The following CEP104 variants were observed in gnomAD, a reference collection of about 807,000 sequenced individuals.
CEP104 encodes the protein centrosomal protein of 104 kDa.
In CEP104, 84 loss-of-function variants were observed where a neutral mutation model predicts 113.3. The ratio of observed to expected loss-of-function variants is 0.74; its 90% CI spans 0.62 to 0.89. CEP104 has a LOEUF of 0.89. Ranked by LOEUF, CEP104 falls within the 40% of genes least tolerant of loss-of-function variation. The pLI is 0.00. For synonymous variants in CEP104, 378 were observed against 421.7 expected, an observed-to-expected ratio of 0.90 and a Z score of 1.27; for missense variants, 1,053 against 1,156.6, an observed-to-expected ratio of 0.91 and a Z score of 1.30.
chr1:3,838,958 A>C lies in CEP104; in HGVS notation c.891+6T>G, dbSNP rs753608685. The C allele has an allele frequency of 6.2e-7, 1 of 1,613,938 alleles. No homozygotes were observed. Among genetic ancestry groups the C allele is most frequent in the South Asian group, 1.1e-5 (1 of 91,078 alleles). On this transcript the variant is annotated splice_donor_region_variant and intron_variant, in intron 8 of 21. Coordinates refer to ENST00000378230, the MANE Select transcript of CEP104 (RefSeq NM_014704.4). Reference sequence around the variant, plus strand: ...TCCTCCACTCCGTCTGGGCTCCTGCACCCACCAGCTCGGCATCCAGGAGGC... The same window carrying C: ...TCCTCCACTCCGTCTGGGCTCCTGCCCCCACCAGCTCGGCATCCAGGAGGC...
At chr1:3,836,360 G>T in intron 10 of CEP104, 135 bp downstream of exon 10, 1 of 895,544 alleles carries the variant, frequency 1.1e-6, no homozygotes, top group Non-Finnish European at 1.6e-6. Flanking sequence ...AAGAACAAAG[G>T]GAAGTCAACA....
intron 10 of CEP104, among the ~76,000 whole-genome samples, chr1:3,835,998 T>A (rs1222277609): frequency 1.0e-5 from 1 of 99,676 alleles, no homozygotes; most frequent in Non-Finnish European, 2.1e-5. Context: ...AGTGACACTC[T>A]GTTTCATAAA....
intron 1 of CEP104, among the ~76,000 whole-genome samples, chr1:3,854,854 G>A (rs1644683277): frequency 6.8e-6 from 1 of 146,016 alleles, no homozygotes; most frequent in Admixed American, 7.2e-5. Flanking sequence ...CCAGGCTGTT[G>A]GGTTCCAGTC....
Position 3,836,491 on chromosome 1 carries a change from TTAC to T in CEP104, c.1317+1_1317+3del. On this transcript the variant is annotated splice_donor_variant and splice_donor_region_variant and intron_variant, in intron 10 of 21. Coordinates refer to ENST00000378230, the MANE Select transcript of CEP104 (RefSeq NM_014704.4). LOFTEE classifies it high-confidence loss of function. ...CCGTTTTTTTTTTTTTTTTTTTTTTTTACCAAGGTTTCTCCCAACACATCGATG... is the reference window on the plus strand; with the variant it reads ...CCGTTTTTTTTTTTTTTTTTTTTTTTCAAGGTTTCTCCCAACACATCGATG... 6.4e-7 allele frequency: 1 copy of T among 1,557,710 alleles called. No individual in the cohort carries two copies. Among genetic ancestry groups the T allele is most frequent in the South Asian group, 1.2e-5 (1 of 83,830 alleles).
intron 10 of CEP104, among the ~76,000 whole-genome samples, chr1:3,836,086 G>T (rs966405230): frequency 1.3e-4 from 19 of 151,804 alleles, no homozygotes; most frequent in African/African-American, 4.6e-4. Context: ...TGGATCACAA[G>T]ATCAGGAGAT....
chr1:3,834,302 C>T (rs944024660), intron 11 of CEP104, among the ~76,000 whole-genome samples: 1 of 151,444 alleles, frequency 6.6e-6, no homozygotes, highest in African/African-American at 2.4e-5. Context: ...ATGGGTAAGC[C>T]CAAATCTTCC....
intron 10 of CEP104, 129 bp downstream of exon 10, chr1:3,836,366 C>T: frequency 1.0e-6 from 1 of 954,478 alleles, no homozygotes; most frequent in Non-Finnish European, 1.5e-6. Flanking sequence ...AAAGGGAAGT[C>T]AACAATATTA....
chr1:3,835,778 A>G (rs1644297355), intron 10 of CEP104, among the ~76,000 whole-genome samples: 1 of 152,254 alleles, frequency 6.6e-6, no homozygotes, highest in Non-Finnish European at 1.5e-5. Flanking sequence ...TACAAGCTCC[A>G]TGAATGCCAG....
chr1:3,821,579 G>A (rs1423943940), intron 20 of CEP104, among the ~76,000 whole-genome samples: 2 of 152,172 alleles, frequency 1.3e-5, no homozygotes, highest in Admixed American at 1.3e-4. Flanking sequence ...TGAGTCGGTG[G>A]GTTAGGCCTT....
Position 3,851,534 on chromosome 1 carries a change from G to A in CEP104, c.113+761C>T, listed in dbSNP as rs113895784. On this transcript the variant is annotated intron_variant, in intron 2 of 21. Coordinates refer to ENST00000378230, the MANE Select transcript of CEP104 (RefSeq NM_014704.4). ...GTGGAGGGTGGGTTTTTATTCACATGACTGAGGGCGGAGGGCAGATGCCAA... is the reference window on the plus strand; with the variant it reads ...GTGGAGGGTGGGTTTTTATTCACATAACTGAGGGCGGAGGGCAGATGCCAA... 2.6e-4 allele frequency among the ~76,000 whole-genome samples: 39 copies of A among 152,238 alleles called. 1 individual carries two copies. The highest frequency in any genetic ancestry group is 8.7e-4 in the African/African-American group (36 of 41,562).
chr1:3,836,829 C>T, intron 9 of CEP104, 137 bp from the exon 10 acceptor site: 1 of 666,176 alleles, frequency 1.5e-6, no homozygotes, highest in Non-Finnish European at 2.5e-6. Context: ...TCAGTATCAT[C>T]AGATTAGAAT....
Position 3,816,376 on chromosome 1 carries a change from G to C in CEP104, c.2572-6C>G, listed in dbSNP as rs751119656. Reference sequence around the variant, plus strand: ...ATCAGGTGAGCTTTCCATGCCTGCAGCAGAGGAGGCACACAGAGTGTTAAT... The same window carrying C: ...ATCAGGTGAGCTTTCCATGCCTGCACCAGAGGAGGCACACAGAGTGTTAAT... On this transcript the variant is annotated splice_polypyrimidine_tract_variant and splice_region_variant and intron_variant, in intron 20 of 21. Coordinates refer to ENST00000378230, the MANE Select transcript of CEP104 (RefSeq NM_014704.4). The C allele has an allele frequency of 1.3e-6, 2 of 1,548,678 alleles. No homozygotes were observed. The highest frequency in any genetic ancestry group is 2.4e-5 in the South Asian group (2 of 83,946).
intron 6 of CEP104, among the ~76,000 whole-genome samples, chr1:3,841,413 ACAT>A (rs1288550046): frequency 6.6e-6 from 1 of 152,198 alleles, no homozygotes; most frequent in Non-Finnish European, 1.5e-5. Context: ...AAACAGCGAA[ACAT>A]TTTGGGGTGT....
In CEP104 at chr1:3,836,551, T is replaced by C. The variant is rs1644318102; in HGVS notation, c.1261A>G (p.Thr421Ala). ...GGMLGEPEPLTEKALREASSA... is the reference protein window; with the variant it reads ...GGMLGEPEPLAEKALREASSA... ...CTGGCTTCTCTCAAGGCCTTCTCGG[T>C]TAAGGGCTCTGGCTCCCCTAACATG... The change falls in exon 10 of 22, where the codon ACC (threonine) becomes GCC (alanine). Residue 421 changes from threonine (T) to alanine (A), a missense_variant. Transcript: ENST00000378230. The C allele has an allele frequency of 1.9e-6, 3 of 1,582,104 alleles. No homozygotes were observed. The highest frequency in any genetic ancestry group is 2.6e-6 in the Non-Finnish European group (3 of 1,165,756).
At chr1:3,845,080 G>A in intron 5 of CEP104, 97 bp from the exon 6 acceptor site, 1 of 1,126,502 alleles carries the variant, frequency 8.9e-7, no homozygotes, top group Non-Finnish European at 1.3e-6. Context: ...CTGTCAGCAA[G>A]GTTCAATGAT....
rs781525757 is a variant in CEP104, at chr1:3,836,549, G to A, written c.1263C>T (p.Thr421=). Residue 421 remains threonine, a synonymous_variant, in exon 10 of 22, where the codon ACC becomes ACT. Transcript: ENST00000378230. ...GGMLGEPEPL[T]EKALREASSA... ...AGCTGGCTTCTCTCAAGGCCTTCTC[G>A]GTTAAGGGCTCTGGCTCCCCTAACA... 2.0e-5 allele frequency: 32 copies of A among 1,599,440 alleles called. No individual in the cohort carries two copies. Among genetic ancestry groups the A allele is most frequent in the South Asian group, 3.3e-5 (3 of 90,694 alleles).
rs954412481 is a variant in CEP104 at position 3,823,912 on chromosome 1, A to G, written c.2365-350T>C. Among the ~76,000 whole-genome samples the G allele has an allele frequency of 6.6e-6, 1 of 152,186 alleles. No homozygotes were observed. Among genetic ancestry groups the G allele is most frequent in the Non-Finnish European group, 1.5e-5 (1 of 68,040 alleles). On this transcript the variant is annotated intron_variant, in intron 18 of 21. Transcript: ENST00000378230. The surrounding 1 kb of genome is among the most constrained non-coding windows in gnomAD (Gnocchi z 4.1). ...AAGGTTGAAATTGTGGCTCCCCACT[A>G]TTTCTAAGAATGCACACAGAAACAG...
At chr1:3,837,824 G>A (rs1052900326) in intron 8 of CEP104, among the ~76,000 whole-genome samples, 6 of 152,254 alleles carry the variant, frequency 3.9e-5, no homozygotes, top group African/African-American at 1.2e-4. Flanking sequence ...CCACACATAT[G>A]TGCCCCTGCA....
chr1:3,829,889 G>A lies in CEP104; in HGVS notation c.1945C>T (p.Pro649Ser), dbSNP rs1231726340. ...CTGCGTGTGTTGCTGTCGTCTGGAG[G>A]AAGGTACTCCAGGATGGAAGCCTGG... ...QHQASILEYL[P>S]PDDSNTRRNI... The change falls in exon 14 of 22, where the codon CCT becomes TCT. Residue 649 changes from proline to serine, a missense_variant. Pro to Ser is a moderately conservative substitution (Grantham distance 74, BLOSUM62 -1). Transcript: ENST00000378230. 3 of 1,614,024 alleles carry A rather than the reference G, an allele frequency of 1.9e-6. No homozygotes were observed. Among genetic ancestry groups the A allele is most frequent in the Admixed American group, 3.3e-5 (2 of 60,022 alleles).
Sources: gnomAD v4.1 joint callset for allele counts (sites outside exome capture counted in the v4.1 genomes callset) on GRCh38, gnomAD v4.1.1 for gene constraint, Gnocchi (gnomAD v3.1) non-coding constraint, MANE v1.5 for transcripts, NCBI Gene and HGNC (gene_info 2026-07-23, HGNC 2026-07-21) for gene names.